The following ABCC5 variants were observed in gnomAD, a reference collection of about 807,000 sequenced individuals.
The protein encoded by ABCC5 is ATP binding cassette subfamily C member 5, also known as ATP-binding cassette sub-family C member 5.
A neutral mutation model predicts 160.9 loss-of-function variants in ABCC5; 61 were observed. That is an observed-to-expected ratio of 0.38 (90% CI 0.31 to 0.47). ABCC5 has a LOEUF of 0.47. Ranked by LOEUF, ABCC5 falls within the 20% of genes least tolerant of loss-of-function variation. ABCC5 has a pLI of 0.99. For synonymous variants in ABCC5, 666 were observed against 700.6 expected (o/e 0.95, Z 0.78); for missense variants, 1,308 against 1,813.3 (o/e 0.72, Z 5.06).
Position 183,952,043 on chromosome 3 carries a change from G to A in ABCC5, c.2668-40C>T, listed in dbSNP as rs1452839462. On this transcript the variant is annotated intron_variant, in intron 18 of 29. Coordinates refer to ENST00000334444, the MANE Select transcript of ABCC5 (RefSeq NM_005688.4). Reference sequence around the variant, plus strand: ...AGTTCTATGAGGCCAGACTCCTAACGACTGCCAAGAGCCCCTGCTCAGCGC... The same window carrying A: ...AGTTCTATGAGGCCAGACTCCTAACAACTGCCAAGAGCCCCTGCTCAGCGC... The A allele has an allele frequency of 5.0e-5, 79 of 1,585,138 alleles. No homozygotes were observed. The East Asian group carries it at 1.0e-3, about 20-fold the overall frequency.
In ABCC5 at chr3:183,982,323, G is replaced by T; in HGVS notation, c.999+128C>A. 9.2e-7 allele frequency: 1 copy of T among 1,085,386 alleles called. No individual in the cohort carries two copies. Among genetic ancestry groups the T allele is most frequent in the Non-Finnish European group, 1.3e-6 (1 of 764,406 alleles). 67.2% of individuals were successfully genotyped at this position (1,085,386 alleles called of 1,614,324 possible). On this transcript the variant is annotated intron_variant, in intron 7 of 29. Coordinates refer to ENST00000334444, the MANE Select transcript of ABCC5 (RefSeq NM_005688.4). The surrounding 1 kb of genome is among the most constrained non-coding windows in gnomAD (Gnocchi z 5.2). Reference sequence around the variant, plus strand: ...ATAGAGCAAGCACTATCGAGCTCTAGATTGAACCTGCTTTGAGGAAATTTC... The same window carrying T: ...ATAGAGCAAGCACTATCGAGCTCTATATTGAACCTGCTTTGAGGAAATTTC...
chr3:183,966,182 A>G (rs1717200976), intron 12 of ABCC5, among the ~76,000 whole-genome samples: 1 of 152,252 alleles, frequency 6.6e-6, no homozygotes, highest in Non-Finnish European at 1.5e-5. Flanking sequence ...GCTTTGAAGC[A>G]AAGTTTCACT....
chr3:183,938,486 A>G (rs1296897716), intron 25 of ABCC5, among the ~76,000 whole-genome samples: 1 of 152,062 alleles, frequency 6.6e-6, no homozygotes, highest in Non-Finnish European at 1.5e-5. Flanking sequence ...TTTAGTAGAG[A>G]TGGGGTTTCA....
Position 183,925,549 on chromosome 3 carries a change from C to T in ABCC5, c.4212+6G>A, listed in dbSNP as rs377541506. 49 of 1,611,762 alleles carry T rather than the reference C, an allele frequency of 3.0e-5. No homozygotes were observed. Among genetic ancestry groups the T allele is most frequent in the Non-Finnish European group, 4.1e-5 (48 of 1,179,496 alleles). On this transcript the variant is annotated splice_donor_region_variant and intron_variant, in intron 29 of 29. Coordinates refer to ENST00000334444, the MANE Select transcript of ABCC5 (RefSeq NM_005688.4). ...GCCAAGCCAAAGTTCCTGAAGGACT[C>T]GGTACCTGTCCCTGGGCCAGCACCA...
intron 26 of ABCC5, among the ~76,000 whole-genome samples, chr3:183,934,434 T>C (rs1713488047): frequency 1.3e-5 from 2 of 152,154 alleles, no homozygotes; most frequent in African/African-American, 4.8e-5. Context: ...AAAGCCAAAA[T>C]TAGAGCTGGC....
Position 183,982,621 on chromosome 3 carries a change from T to C in ABCC5, c.829A>G (p.Ile277Val). The change falls in exon 7 of 30, where the codon ATC (isoleucine) becomes GTC (valine). Residue 277 changes from isoleucine to valine, a missense_variant. Coordinates refer to ENST00000334444, the MANE Select transcript of ABCC5 (RefSeq NM_005688.4). This position sits in a 1 kb window ranked among gnomAD's most constrained non-coding sequence, Gnocchi z 5.2. ...TGCCCATCGTTGGAGCAAATGTTGATGAGCTATAAGATACAAAGAGTAGTG... is the reference window on the plus strand; with the variant it reads ...TGCCCATCGTTGGAGCAAATGTTGACGAGCTATAAGATACAAAGAGTAGTG... Reference protein sequence around the residue: ...NIKEKSLGELINICSNDGQRM... With the variant: ...NIKEKSLGELVNICSNDGQRM... 2 of 1,614,130 alleles carry C rather than the reference T, an allele frequency of 1.2e-6. No homozygotes were observed. Among genetic ancestry groups the C allele is most frequent in the Non-Finnish European group, 1.7e-6 (2 of 1,180,010 alleles).
intron 8 of ABCC5, among the ~76,000 whole-genome samples, chr3:183,979,293 CG>C (rs1718494960): frequency 6.6e-6 from 1 of 150,524 alleles, no homozygotes; most frequent in East Asian, 2.0e-4. Flanking sequence ...TGCAGTGCAC[CG>C]AGATTGCACC....
chr3:183,969,241 G>A (rs907809854), intron 11 of ABCC5, among the ~76,000 whole-genome samples: 2 of 152,158 alleles, frequency 1.3e-5, no homozygotes, highest in African/African-American at 2.4e-5. Flanking sequence ...CCCATTGTCT[G>A]TGGGCTCTGA....
rs1715368087 is a variant in ABCC5, at chr3:183,951,713, G to A, written c.2815-143C>T. 2.1e-6 allele frequency: 3 copies of A among 1,459,734 alleles called. No individual in the cohort carries two copies. The Admixed American group carries it at 5.7e-5, about 28-fold the overall frequency. 90.4% of individuals were successfully genotyped at this position (1,459,734 alleles called of 1,614,324 possible). ...GACAGGTGGCAAGTGAGAAAAGGTG[G>A]AGGCTAACGGAATATGAGTCATCTC... On this transcript the variant is annotated intron_variant, in intron 19 of 29. Transcript: ENST00000334444. The surrounding 1 kb of genome is among the most constrained non-coding windows in gnomAD (Gnocchi z 4.7).
intron 2 of ABCC5, among the ~76,000 whole-genome samples, chr3:183,990,707 T>A (rs539480501): frequency 6.6e-6 from 1 of 152,272 alleles, no homozygotes; most frequent in East Asian, 1.9e-4. Context: ...CAGCAAAGGA[T>A]CTCATGAGCT....
At chr3:183,947,892 C>G (rs1289436005) in intron 22 of ABCC5, among the ~76,000 whole-genome samples, 1 of 152,110 alleles carries the variant, frequency 6.6e-6, no homozygotes, top group East Asian at 1.9e-4. Context: ...AGGTTACAAA[C>G]GCCAACAGCA....
chr3:183,924,009 GCTT>G (rs1712267706), intron 29 of ABCC5, among the ~76,000 whole-genome samples: 2 of 88,920 alleles, frequency 2.2e-5, no homozygotes, highest in Admixed American at 2.6e-4. Flanking sequence ...TTTACTGTTT[GCTT>G]TTTTTTTTTT....
At chr3:183,994,803 C>T (rs1486235783) in intron 2 of ABCC5, among the ~76,000 whole-genome samples, 1 of 151,824 alleles carries the variant, frequency 6.6e-6, no homozygotes, top group Non-Finnish European at 1.5e-5. Flanking sequence ...ATATGTCACC[C>T]CTACATTCTT....
chr3:183,994,741 A>G (rs1013353176), intron 2 of ABCC5, among the ~76,000 whole-genome samples: 1 of 151,906 alleles, frequency 6.6e-6, no homozygotes, highest in African/African-American at 2.4e-5. Flanking sequence ...TGTGGTTTTA[A>G]TTTGCACTAC....
At chr3:183,958,507 T>C (rs1448913435) in intron 17 of ABCC5, among the ~76,000 whole-genome samples, 5 of 152,136 alleles carry the variant, frequency 3.3e-5, no homozygotes, top group East Asian at 1.9e-4. Context: ...TTTTTTGGGG[T>C]GTGTCAATAA....
intron 2 of ABCC5, among the ~76,000 whole-genome samples, chr3:184,003,297 G>A (rs554336370): frequency 3.3e-5 from 5 of 152,226 alleles, no homozygotes; most frequent in Admixed American, 6.5e-5. Flanking sequence ...GCTGACTTCA[G>A]GCCTTCCCGC....
intron 17 of ABCC5, among the ~76,000 whole-genome samples, chr3:183,954,173 A>G (rs1291765050): frequency 6.6e-6 from 1 of 151,580 alleles, no homozygotes; most frequent in Non-Finnish European, 1.5e-5. Flanking sequence ...TTTGAGATAG[A>G]GTCTCACTCT....
chr3:183,949,894 T>C lies in ABCC5; in HGVS notation c.3099-13A>G. 1 of 1,614,134 alleles carries C rather than the reference T, an allele frequency of 6.2e-7. No individual in the cohort carries two copies. The highest frequency in any genetic ancestry group is 8.5e-7 in the Non-Finnish European group (1 of 1,179,996). ...CCGAATCAGGACCCTGGAGAGAGAATGAGCTCCGTGTCACAGCACCTACCC... is the reference window on the plus strand; with the variant it reads ...CCGAATCAGGACCCTGGAGAGAGAACGAGCTCCGTGTCACAGCACCTACCC... On this transcript the variant is annotated splice_polypyrimidine_tract_variant and intron_variant, in intron 21 of 29. Coordinates refer to ENST00000334444, the MANE Select transcript of ABCC5 (RefSeq NM_005688.4). This position sits in a 1 kb window ranked among gnomAD's most constrained non-coding sequence, Gnocchi z 4.2.
At chr3:183,956,009 G>A (rs1320278682) in intron 17 of ABCC5, among the ~76,000 whole-genome samples, 2 of 142,396 alleles carry the variant, frequency 1.4e-5, no homozygotes, top group Non-Finnish European at 3.1e-5. Context: ...TATCACATCG[G>A]TTACATGTTC....
Sources: allele counts gnomAD v4.1 joint callset (sites outside exome capture counted in the v4.1 genomes callset), GRCh38; gene constraint gnomAD v4.1.1; non-coding constraint Gnocchi (gnomAD v3.1); transcripts MANE v1.5; gene names NCBI Gene and HGNC (gene_info 2026-07-23, HGNC 2026-07-21).